The following GRK7 variants were observed in gnomAD, a reference collection of about 807,000 sequenced individuals.
The protein encoded by GRK7 is G protein-coupled receptor kinase 7.
Under a neutral mutation model 34.1 loss-of-function variants are expected in GRK7, and 24 were observed. That is an observed-to-expected ratio of 0.70 (90% confidence interval 0.51 to 0.99). GRK7 has a LOEUF of 0.99. Ranked by LOEUF, GRK7 falls within the 50% of genes least tolerant of loss-of-function variation. The probability of loss-of-function intolerance (pLI) is 0.00; values close to 1 mark genes in which losing one functional copy is unlikely to be tolerated. For synonymous variants in GRK7, 256 were observed against 279.4 expected (o/e 0.92, Z 0.84); for missense variants, 644 against 707.3 (o/e 0.91, Z 1.02).
intron 4 of GRK7, among the ~76,000 whole-genome samples, chr3:141,800,573 C>G (rs1710948347): frequency 6.6e-6 from 1 of 151,814 alleles, no homozygotes; most frequent in South Asian, 2.1e-4. Context: ...TGCTGTAAAT[C>G]AAGGAACATT....
intron 4 of GRK7, among the ~76,000 whole-genome samples, chr3:141,787,267 A>C (rs1037895441): frequency 2.6e-5 from 4 of 152,202 alleles, no homozygotes; most frequent in Non-Finnish European, 5.9e-5. Flanking sequence ...CATCAGTAGA[A>C]AACTCATACA....
At chr3:141,796,510 A>T (rs1710881239) in intron 4 of GRK7, among the ~76,000 whole-genome samples, 1 of 151,994 alleles carries the variant, frequency 6.6e-6, no homozygotes, top group Admixed American at 6.6e-5. Flanking sequence ...TGCTCAGGTG[A>T]CCTCTGCAGC....
rs770693714 is a variant in GRK7 at position 141,778,801 on chromosome 3, G to C, written c.517G>C (p.Asp173His). 6.2e-6 allele frequency: 10 copies of C among 1,609,818 alleles called. No homozygotes were observed. The highest frequency in any genetic ancestry group is 7.6e-6 in the Non-Finnish European group (9 of 1,178,186). ...GGATTTCGTGACCAGCGCCTTCTAC[G>C]ACAAGTTTCTGCAGTGGAAACTCTT... Reference protein sequence around the residue: ...FKDFVTSAFYDKFLQWKLFEM... With the variant: ...FKDFVTSAFYHKFLQWKLFEM... Residue 173 changes from aspartate (D) to histidine (H), a missense_variant, in exon 3 of 6, where the codon GAC becomes CAC. Asp to His is a moderately conservative substitution (Grantham distance 81, BLOSUM62 -1). Transcript: ENST00000682958. The surrounding 1 kb of genome is among the most constrained non-coding windows in gnomAD (Gnocchi z 4.1).
chr3:141,810,851 G>A (rs1264812583), intron 5 of GRK7, among the ~76,000 whole-genome samples: 1 of 152,098 alleles, frequency 6.6e-6, no homozygotes, highest in Non-Finnish European at 1.5e-5. Context: ...AATCAAATAG[G>A]ATATGGTGAC....
chr3:141,755,156 TG>T, the GRK7 span, among the ~76,000 whole-genome samples: 3 of 152,344 alleles, frequency 2.0e-5, no homozygotes, highest in African/African-American at 7.2e-5. Flanking sequence ...ACAAATAAAA[TG>T]GTTGCTTCTA....
At chr3:141,757,249 C>T in the GRK7 span, among the ~76,000 whole-genome samples, 1 of 150,930 alleles carries the variant, frequency 6.6e-6, no homozygotes, top group African/African-American at 2.4e-5. Context: ...GCTGCACCCA[C>T]TAACTCGTCA....
intron 4 of GRK7, among the ~76,000 whole-genome samples, chr3:141,785,325 G>A (rs764757235): frequency 2.6e-5 from 4 of 152,198 alleles, no homozygotes; most frequent in Non-Finnish European, 4.4e-5. Context: ...AGATTTGGCT[G>A]TTCAGCAATT....
chr3:141,814,427 C>T (rs1235902663), intron 5 of GRK7, among the ~76,000 whole-genome samples: 1 of 152,106 alleles, frequency 6.6e-6, no homozygotes, highest in Non-Finnish European at 1.5e-5. Flanking sequence ...ATCTTTATGT[C>T]CATGTTTACC....
At chr3:141,777,578 C>T (rs2084646550) in intron 2 of GRK7, among the ~76,000 whole-genome samples, 1 of 141,816 alleles carries the variant, frequency 7.1e-6, no homozygotes. Context: ...CCTCGTGATC[C>T]GCCCGGAGAT....
At chr3:141,757,384 A>G in the GRK7 span, among the ~76,000 whole-genome samples, 1 of 131,926 alleles carries the variant, frequency 7.6e-6, no homozygotes. Flanking sequence ...ATTCCCACCT[A>G]TGAGTGAGAA....
At chr3:141,780,296 C>T in intron 3 of GRK7, 78 bp from the exon 4 acceptor site, 1 of 1,227,588 alleles carries the variant, frequency 8.1e-7, no homozygotes, top group South Asian at 1.5e-5. Context: ...TTTCCACCCA[C>T]CTCCTCCTTT....
intron 4 of GRK7, among the ~76,000 whole-genome samples, chr3:141,804,796 CAT>C (rs1711009065): frequency 6.6e-6 from 1 of 150,446 alleles, no homozygotes; most frequent in Non-Finnish European, 1.5e-5. Flanking sequence ...TACACGCACA[CAT>C]ACACACATGC....
intron 1 of GRK7, among the ~76,000 whole-genome samples, chr3:141,771,214 C>CGT (rs67606208): frequency 0.013 from 1,971 of 150,202 alleles, 48 homozygotes; most frequent in African/African-American, 0.042. Context: ...TGTGTGTGCA[C>CGT]GTGTGTGTGT....
intron 4 of GRK7, among the ~76,000 whole-genome samples, chr3:141,805,012 TCATACACCCACACACG>T (rs1325730090): frequency 7.1e-6 from 1 of 141,824 alleles, no homozygotes; most frequent in Non-Finnish European, 1.5e-5. Flanking sequence ...TCACACACAC[TCATACACCCACACACG>T]CATACACCCA....
intron 4 of GRK7, among the ~76,000 whole-genome samples, chr3:141,788,044 A>G (rs1171690203): frequency 3.3e-5 from 5 of 152,122 alleles, no homozygotes; most frequent in Non-Finnish European, 7.4e-5. Context: ...GAGAACAAAA[A>G]CAAATAATAC....
At chr3:141,759,947 G>A (rs2084548020), upstream of GRK7, among the ~76,000 whole-genome samples, 1 of 65,090 alleles carries the variant, frequency 1.5e-5, no homozygotes, top group Non-Finnish European at 2.9e-5. Flanking sequence ...TTTGCGTAGA[G>A]GTGTTTGTAG....
the GRK7 span, among the ~76,000 whole-genome samples, chr3:141,753,477 ATTAG>A: frequency 3.3e-5 from 5 of 152,198 alleles, no homozygotes; most frequent in African/African-American, 1.2e-4. Flanking sequence ...ATCCTCAGGC[ATTAG>A]TTAGATTCTC....
rs142409895 is a variant in GRK7, at chr3:141,768,352, G to A, written c.-215+2614G>A. On this transcript the variant is annotated intron_variant, in intron 1 of 5. Coordinates refer to ENST00000682958, the MANE Select transcript of GRK7 (RefSeq NM_139209.3). ...GCAATCTTGGCTCACTGCAGACTCC[G>A]CCTCAGCCTCCGCCTCCCGGGTTCC... Among the ~76,000 whole-genome samples, 498 of 147,030 alleles carry A rather than the reference G, an allele frequency of 3.4e-3. 8 individuals are homozygous for A. In the East Asian group the frequency reaches 0.04, roughly 12 times the overall value.
intron 2 of GRK7, among the ~76,000 whole-genome samples, chr3:141,776,956 T>G (rs1390718532): frequency 1.3e-5 from 2 of 152,200 alleles, no homozygotes; most frequent in Non-Finnish European, 2.9e-5. Context: ...TAGCCTGATC[T>G]CTGTCTAGAT....
Sources: allele counts gnomAD v4.1 joint callset (sites outside exome capture counted in the v4.1 genomes callset), GRCh38; gene constraint gnomAD v4.1.1; non-coding constraint Gnocchi (gnomAD v3.1); transcripts MANE v1.5; gene names NCBI Gene and HGNC (gene_info 2026-07-23, HGNC 2026-07-21).